RPTOR: variants seen among roughly 807,000 people sequenced by gnomAD.
RPTOR encodes the protein regulatory-associated protein of mTOR.
A neutral mutation model predicts 169.9 loss-of-function variants in RPTOR; 21 were observed. The ratio of observed to expected loss-of-function variants is 0.12; its 90% CI spans 0.09 to 0.18. RPTOR has a LOEUF of 0.18. Ranked by LOEUF, RPTOR falls within the 10% of genes least tolerant of loss-of-function variation. The pLI, the probability that RPTOR is intolerant of heterozygous loss-of-function variation, is 1.00. For missense variants in RPTOR, 1,133 were observed against 1,855.9 expected, an observed-to-expected ratio of 0.61 and a Z score of 7.16; for synonymous variants, 732 against 753.2, an observed-to-expected ratio of 0.97 and a Z score of 0.46.
intron 10 of RPTOR, among the ~76,000 whole-genome samples, chr17:80,842,237 C>T (rs1420785810): frequency 6.6e-6 from 1 of 152,222 alleles, no homozygotes; most frequent in Non-Finnish European, 1.5e-5. Flanking sequence ...TATTGGTCCT[C>T]CCTTTGAAAT....
chr17:80,904,515 C>T (rs932488394), intron 20 of RPTOR, among the ~76,000 whole-genome samples: 11 of 152,196 alleles, frequency 7.2e-5, no homozygotes, highest in Non-Finnish European at 1.6e-4. Flanking sequence ...GGCCATTGGG[C>T]TCTGAACAAT....
intron 25 of RPTOR, among the ~76,000 whole-genome samples, chr17:80,944,341 C>T (rs1219313226): frequency 1.3e-5 from 2 of 152,220 alleles, no homozygotes; most frequent in African/African-American, 2.4e-5. Flanking sequence ...AGAGCCCTAC[C>T]GAGCTTATTC....
chr17:80,857,993 A>G (rs2067873460), intron 13 of RPTOR, 93 bp downstream of exon 13: 3 of 977,228 alleles, frequency 3.1e-6, no homozygotes, highest in Non-Finnish European at 4.8e-6. Flanking sequence ...CCCTTTCTCC[A>G]GCCTCGCTCC....
chr17:80,963,026 C>T lies in RPTOR; in HGVS notation c.3908C>T (p.Ala1303Val). The stretch of plus-strand genomic sequence containing the variant: ...GGCTTCATGGGCCAGCGGGTCGGCG[C>T]CATCAGCTGCCTGGCCTTCCACCCG... ...YDGFMGQRVG[A>V]ISCLAFHPHW... Residue 1303 changes from alanine to valine, a missense_variant, in exon 33 of 34, where the codon GCC becomes GTC. Transcript: ENST00000306801. 1 of 1,607,486 alleles carries T rather than the reference C, an allele frequency of 6.2e-7. No individual in the cohort carries two copies. The highest frequency in any genetic ancestry group is 8.5e-7 in the Non-Finnish European group (1 of 1,177,092).
At chr17:80,841,220 GGC>G (rs2067647366) in intron 10 of RPTOR, among the ~76,000 whole-genome samples, 1 of 49,818 alleles carries the variant, frequency 2.0e-5, no homozygotes, top group African/African-American at 9.0e-5. Flanking sequence ...CTCACCGCAC[GGC>G]AGCTCACTCT....
At chr17:80,883,201 C>T (rs1345639148) in intron 14 of RPTOR, among the ~76,000 whole-genome samples, 1 of 152,236 alleles carries the variant, frequency 6.6e-6, no homozygotes, top group Admixed American at 6.5e-5. Context: ...AAGGAGCAGT[C>T]TGTTCACTCC....
At chr17:80,714,564 C>T (rs1197888093) in intron 4 of RPTOR, among the ~76,000 whole-genome samples, 1 of 151,926 alleles carries the variant, frequency 6.6e-6, no homozygotes, top group Non-Finnish European at 1.5e-5. Context: ...CCACATGAGT[C>T]AAAGACAAAA....
intron 3 of RPTOR, among the ~76,000 whole-genome samples, chr17:80,700,923 A>G (rs1598236797): frequency 6.6e-6 from 1 of 151,884 alleles, no homozygotes; most frequent in African/African-American, 2.4e-5. Flanking sequence ...AGGTGGATGG[A>G]CTCAGTCAGG....
intron 3 of RPTOR, among the ~76,000 whole-genome samples, chr17:80,674,920 T>C (rs2065851697): frequency 6.6e-6 from 1 of 151,292 alleles, no homozygotes; most frequent in South Asian, 2.1e-4. Context: ...ACTAAGAATA[T>C]GGAAATGAAT....
chr17:80,680,904 G>T (rs1182277080), intron 3 of RPTOR, among the ~76,000 whole-genome samples: 2 of 152,192 alleles, frequency 1.3e-5, no homozygotes, highest in Non-Finnish European at 2.9e-5. Context: ...AGACCCAGCA[G>T]ATGGGCTTTG....
In RPTOR at chr17:80,720,986, G is replaced by A. The variant is rs988876437; in HGVS notation, c.508-9574G>A. ...TACGTGTCGGGAGAGACACTTCCCCGACCCCTTGTTTTCCATCTCTAATTT... is the reference window on the plus strand; with the variant it reads ...TACGTGTCGGGAGAGACACTTCCCCAACCCCTTGTTTTCCATCTCTAATTT... On this transcript the variant is annotated intron_variant, in intron 4 of 33. Coordinates refer to ENST00000306801, the MANE Select transcript of RPTOR (RefSeq NM_020761.3). Among the ~76,000 whole-genome samples the A allele has an allele frequency of 6.6e-5, 10 of 151,052 alleles. No homozygotes were observed. In the East Asian group the frequency reaches 1.2e-3, roughly 18 times the overall value.
chr17:80,791,594 C>T, intron 7 of RPTOR, 85 bp downstream of exon 7: 6 of 1,185,368 alleles, frequency 5.1e-6, no homozygotes, highest in Non-Finnish European at 7.3e-6. Context: ...CTCAGAAGTA[C>T]TTTCTATCAA....
intron 1 of RPTOR, among the ~76,000 whole-genome samples, chr17:80,589,256 C>T (rs947132207): frequency 6.6e-6 from 1 of 152,128 alleles, no homozygotes; most frequent in Non-Finnish European, 1.5e-5. Flanking sequence ...CTCTGCAGGC[C>T]GTCTTTGCGG....
intron 3 of RPTOR, among the ~76,000 whole-genome samples, chr17:80,674,464 G>A (rs1238971847): frequency 6.6e-6 from 1 of 152,176 alleles, no homozygotes; most frequent in Non-Finnish European, 1.5e-5. Context: ...AAGAACTGGG[G>A]ATTCTAGTTA....
At chr17:80,654,273 A>G (rs754008413) in intron 3 of RPTOR, among the ~76,000 whole-genome samples, 57 of 152,386 alleles carry the variant, frequency 3.7e-4, no homozygotes, top group Admixed American at 1.2e-3. Context: ...CCACTGATGC[A>G]GGTGCTAAGG....
intron 1 of RPTOR, among the ~76,000 whole-genome samples, chr17:80,580,633 T>G (rs2065006042): frequency 6.6e-6 from 1 of 152,154 alleles, no homozygotes; most frequent in Non-Finnish European, 1.5e-5. Context: ...TTTTTGTGTT[T>G]TGTTTTGGAG....
At chr17:80,663,756 C>A (rs779510935) in intron 3 of RPTOR, among the ~76,000 whole-genome samples, 1 of 152,116 alleles carries the variant, frequency 6.6e-6, no homozygotes, top group African/African-American at 2.4e-5. Flanking sequence ...TCACAGTCCC[C>A]TCTGTCTTCC....
At chr17:80,719,567 T>C (rs915905852) in intron 4 of RPTOR, among the ~76,000 whole-genome samples, 1 of 152,186 alleles carries the variant, frequency 6.6e-6, no homozygotes, top group Admixed American at 6.5e-5. Flanking sequence ...CATCTGGATT[T>C]GCCGCCGCAG....
intron 5 of RPTOR, among the ~76,000 whole-genome samples, chr17:80,744,775 T>C (rs75141320): frequency 5.5e-4 from 32 of 57,906 alleles, no homozygotes; most frequent in East Asian, 1.1e-3. Flanking sequence ...ACTAGCACTG[T>C]CCTGGCTACT....
Sources: allele counts gnomAD v4.1 joint callset (sites outside exome capture counted in the v4.1 genomes callset), GRCh38; gene constraint gnomAD v4.1.1; transcripts MANE v1.5; gene names NCBI Gene and HGNC (gene_info 2026-07-23, HGNC 2026-07-21).